The following NAALADL2 variants were observed in gnomAD, a reference collection of about 807,000 sequenced individuals.
NAALADL2 encodes the protein inactive N-acetylated-alpha-linked acidic dipeptidase-like protein 2.
A neutral mutation model predicts 87.2 loss-of-function variants in NAALADL2; 76 were observed. The observed-to-expected ratio is 0.87, with a 90% confidence interval of 0.72 to 1.05. The LOEUF (loss-of-function observed/expected upper bound fraction) is 1.05. NAALADL2 is among the 50% of genes least tolerant of loss of function. The pLI is 0.00. For synonymous variants in NAALADL2, 354 were observed against 331.0 expected (o/e 1.07, Z -0.75); for missense variants, 1,089 against 945.8 (o/e 1.15, Z -1.99).
At chr3:174,634,222 C>T (rs1416748616) in intron 2 of NAALADL2, among the ~76,000 whole-genome samples, 1 of 152,082 alleles carries the variant, frequency 6.6e-6, no homozygotes, top group Admixed American at 6.6e-5. Context: ...TTCCTGTTCC[C>T]TCTCTTCCTT....
chr3:175,354,989 A>G (rs1403528641), intron 5 of NAALADL2, among the ~76,000 whole-genome samples: 1 of 143,332 alleles, frequency 7.0e-6, no homozygotes, highest in Non-Finnish European at 1.5e-5. Flanking sequence ...TAATTTTTCC[A>G]ATTTTATTTA....
At chr3:174,520,326 T>C (rs776257886) in intron 1 of NAALADL2, among the ~76,000 whole-genome samples, 5 of 152,164 alleles carry the variant, frequency 3.3e-5, no homozygotes, top group African/African-American at 9.7e-5. Flanking sequence ...TACAAGGCTA[T>C]AGTAACTAAA....
chr3:174,873,229 CTTTATTTATTTATTTA>C lies in NAALADL2; in HGVS notation c.43+13807_43+13822del, dbSNP rs150711871. On this transcript the variant is annotated intron_variant, in intron 1 of 13. Transcript: ENST00000454872. Reference sequence around the variant, plus strand: ...TCTCTCTCTCTCTCTGTGTACATGTCTTTATTTATTTATTTATTTATTTATTTATTTATTTATTTAT... The same window carrying C: ...TCTCTCTCTCTCTCTGTGTACATGTCTTTATTTATTTATTTATTTATTTAT... Among the ~76,000 whole-genome samples the C allele has an allele frequency of 2.7e-3, 397 of 144,482 alleles. 1 individual carries two copies. Among genetic ancestry groups the C allele is most frequent in the African/African-American group, 9.4e-3 (364 of 38,580 alleles). The allele number at this position is 144,482 out of a possible 152,430, so 94.8% of individuals were successfully genotyped here.
At chr3:175,395,549 A>G (rs1769668786) in intron 5 of NAALADL2, among the ~76,000 whole-genome samples, 1 of 152,178 alleles carries the variant, frequency 6.6e-6, no homozygotes, top group Non-Finnish European at 1.5e-5. Context: ...TAGGAATTCC[A>G]AGATCCCAAC....
At chr3:175,149,590 T>C (rs1731247619) in intron 2 of NAALADL2, among the ~76,000 whole-genome samples, 1 of 152,186 alleles carries the variant, frequency 6.6e-6, no homozygotes, top group Admixed American at 6.6e-5. Context: ...TTAGTTGCCA[T>C]GACAGCAGGA....
chr3:175,485,383 A>G (rs1727102122), intron 9 of NAALADL2, among the ~76,000 whole-genome samples: 1 of 152,152 alleles, frequency 6.6e-6, no homozygotes, highest in Non-Finnish European at 1.5e-5. Context: ...ATTAAGGAGA[A>G]TTCACTCACA....
At chr3:175,774,842 G>T (rs1750000342) in intron 13 of NAALADL2, 1 of 151,988 alleles carries the variant, frequency 6.6e-6, no homozygotes, top group African/African-American at 2.4e-5. Flanking sequence ...GATTCATGTT[G>T]AAATTATAAT....
intron 11 of NAALADL2, among the ~76,000 whole-genome samples, chr3:175,705,106 T>C (rs181223673): frequency 4.3e-4 from 65 of 152,122 alleles, no homozygotes; most frequent in African/African-American, 1.5e-3. Flanking sequence ...AACTGTGGCA[T>C]TGCTGGAGAG....
At chr3:175,138,625 GTTA>G (rs970579740) in intron 2 of NAALADL2, among the ~76,000 whole-genome samples, 7 of 148,256 alleles carry the variant, frequency 4.7e-5, no homozygotes, top group Non-Finnish European at 7.4e-5. Flanking sequence ...TATTATTATT[GTTA>G]TTATTATTAT....
intron 4 of NAALADL2, among the ~76,000 whole-genome samples, chr3:175,313,791 A>C (rs1758687607): frequency 6.6e-6 from 1 of 152,124 alleles, no homozygotes; most frequent in Non-Finnish European, 1.5e-5. Flanking sequence ...TGGTCCGGGC[A>C]TGGTGGCTCA....
At chr3:175,391,380 A>G (rs992443594) in intron 5 of NAALADL2, among the ~76,000 whole-genome samples, 11 of 152,216 alleles carry the variant, frequency 7.2e-5, no homozygotes, top group African/African-American at 2.7e-4. Flanking sequence ...CAAAGAGACC[A>G]TAGCTTCCTT....
chr3:174,888,999 A>G (rs1730547825), intron 1 of NAALADL2, among the ~76,000 whole-genome samples: 1 of 152,164 alleles, frequency 6.6e-6, no homozygotes. Context: ...CAACTTTTGG[A>G]GAAGGCAGTT....
chr3:175,475,204 G>C (rs952504354), intron 9 of NAALADL2, among the ~76,000 whole-genome samples: 1 of 151,846 alleles, frequency 6.6e-6, no homozygotes, highest in African/African-American at 2.4e-5. Context: ...ATTTCTTGGG[G>C]GGATAAAAGC....
intron 1 of NAALADL2, among the ~76,000 whole-genome samples, chr3:174,460,600 T>C (rs768543104): frequency 1.3e-5 from 2 of 151,996 alleles, no homozygotes; most frequent in African/African-American, 2.4e-5. Context: ...TTCTTTTTTT[T>C]TCTTACGGTT....
intron 10 of NAALADL2, among the ~76,000 whole-genome samples, chr3:175,584,332 C>T (rs147294992): frequency 0.023 from 3,491 of 151,988 alleles, 56 homozygotes; most frequent in Non-Finnish European, 0.035. Context: ...CTACCACGCC[C>T]GCCCTACTGT....
chr3:174,625,829 G>T (rs1407681190), intron 2 of NAALADL2, among the ~76,000 whole-genome samples: 1 of 151,818 alleles, frequency 6.6e-6, no homozygotes, highest in South Asian at 2.1e-4. Context: ...TTGCAATTGG[G>T]GTTTATGGAA....
Position 175,785,843 on chromosome 3 carries a change from C to T in NAALADL2, c.2190-17162C>T, listed in dbSNP as rs944758978. 3.7e-3 allele frequency among the ~76,000 whole-genome samples: 554 copies of T among 150,076 alleles called. 3 individuals are homozygous for T. Among genetic ancestry groups the T allele is most frequent in the Non-Finnish European group, 6.0e-3 (410 of 67,990 alleles). ...GGCATGATTTTGCAGTGGCTGGTAC[C>T]GGTTGTTCCTTTCTGTGTTTAGCAC... is the stretch of plus-strand genomic sequence containing the variant. On this transcript the variant is annotated intron_variant, in intron 13 of 13. Transcript: ENST00000454872.
intron 2 of NAALADL2, among the ~76,000 whole-genome samples, chr3:174,727,427 A>G (rs549945285): frequency 7.2e-5 from 11 of 152,186 alleles, no homozygotes; most frequent in African/African-American, 2.4e-4. Context: ...GTCTTGGAGC[A>G]TGGGTACTAC....
At chr3:175,424,224 T>C (rs1716391418) in intron 5 of NAALADL2, among the ~76,000 whole-genome samples, 1 of 152,238 alleles carries the variant, frequency 6.6e-6, no homozygotes, top group South Asian at 2.1e-4. Flanking sequence ...TTCACTCTAA[T>C]GGTAGTTTCT....
Sources: gnomAD v4.1 joint callset for allele counts (sites outside exome capture counted in the v4.1 genomes callset) on GRCh38, gnomAD v4.1.1 for gene constraint, MANE v1.5 for transcripts, NCBI Gene and HGNC (gene_info 2026-07-23, HGNC 2026-07-21) for gene names.